The following ANKRD26 variants were observed in gnomAD, a reference collection of about 807,000 sequenced individuals.
The protein encoded by ANKRD26 is ankyrin repeat domain-containing protein 26.
Under a neutral mutation model 208.7 loss-of-function variants are expected in ANKRD26, and 141 were observed. The ratio of observed to expected loss-of-function variants is 0.68; its 90% CI spans 0.59 to 0.78. The LOEUF (loss-of-function observed/expected upper bound fraction) is 0.78, where lower values mean the gene tolerates loss of function less well. ANKRD26 is among the 30% of genes least tolerant of loss of function. ANKRD26 has a pLI of 0.00. For missense variants in ANKRD26, 1,889 were observed against 1,938.7 expected (o/e 0.97, Z 0.48); for synonymous variants, 636 against 660.4 (o/e 0.96, Z 0.57).
intron 1 of ANKRD26, among the ~76,000 whole-genome samples, chr10:27,096,346 C>A (rs547174177): frequency 4.8e-4 from 73 of 150,966 alleles, no homozygotes; most frequent in African/African-American, 1.5e-3. Flanking sequence ...CACCACACAG[C>A]ACTTATATAC....
chr10:26,993,973 T>C (rs935412726), intron 5 of ANKRD26, among the ~76,000 whole-genome samples: 11 of 152,238 alleles, frequency 7.2e-5, no homozygotes, highest in Non-Finnish European at 1.0e-4. Context: ...AAATTCATTT[T>C]AACTACTAAA....
intron 19 of ANKRD26, 49 bp from the exon 20 acceptor site, chr10:27,043,616 C>A (rs1286947203): frequency 3.9e-6 from 6 of 1,553,414 alleles, no homozygotes; most frequent in Non-Finnish European, 4.4e-6. Flanking sequence ...ATATTTATAG[C>A]ACATACAGAA....
At chr10:27,047,203 A>T (rs2054477813) in intron 17 of ANKRD26, among the ~76,000 whole-genome samples, 1 of 152,242 alleles carries the variant, frequency 6.6e-6, no homozygotes, top group Non-Finnish European at 1.5e-5. Context: ...TGATACACAT[A>T]TAACATGGAA....
chr10:27,026,575 A>C (rs953290826), intron 27 of ANKRD26, among the ~76,000 whole-genome samples: 2 of 152,210 alleles, frequency 1.3e-5, no homozygotes, highest in African/African-American at 4.8e-5. Context: ...AAAGAAACTC[A>C]TTAGTAGAAG....
At chr10:27,075,435 G>A (rs928938682) in intron 9 of ANKRD26, among the ~76,000 whole-genome samples, 11 of 152,146 alleles carry the variant, frequency 7.2e-5, no homozygotes, top group African/African-American at 1.9e-4. Flanking sequence ...AAGTGAGCAG[G>A]AGTAGCTATT....
intron 9 of ANKRD26, among the ~76,000 whole-genome samples, chr10:27,073,705 A>G (rs2055587634): frequency 6.6e-6 from 1 of 152,200 alleles, no homozygotes; most frequent in Admixed American, 6.5e-5. Flanking sequence ...CAGTAAATAA[A>G]ATACTGGGGA....
chr10:27,030,757 G>A (rs753049405), intron 25 of ANKRD26, among the ~76,000 whole-genome samples: 82 of 151,766 alleles, frequency 5.4e-4, no homozygotes, highest in African/African-American at 2.0e-3. Flanking sequence ...CTGTGGCCTT[G>A]TAAAAAAATA....
At chr10:27,070,702 G>A (rs2055451912) in intron 9 of ANKRD26, among the ~76,000 whole-genome samples, 1 of 150,146 alleles carries the variant, frequency 6.7e-6, no homozygotes, top group South Asian at 2.1e-4. Context: ...GTCTCGCCCT[G>A]TCGCCCAGAA....
At chr10:27,084,439 C>T (rs1254679322) in intron 5 of ANKRD26, among the ~76,000 whole-genome samples, 1 of 152,156 alleles carries the variant, frequency 6.6e-6, no homozygotes, top group Non-Finnish European at 1.5e-5. Flanking sequence ...ATTCATATTT[C>T]TTGCAACTTG....
intron 5 of ANKRD26, among the ~76,000 whole-genome samples, chr10:26,992,174 A>AG (rs1314072030): frequency 2.0e-5 from 3 of 152,194 alleles, no homozygotes; most frequent in African/African-American, 7.2e-5. Context: ...AATGGGAGGC[A>AG]GGATTGCCTG....
intron 28 of ANKRD26, among the ~76,000 whole-genome samples, chr10:27,023,979 T>TACAC (rs59987738): frequency 0.17 from 24,224 of 142,120 alleles, 3,670 homozygotes; most frequent in African/African-American, 0.4. Flanking sequence ...ATTTTATTAC[T>TACAC]ACACACACAC....
chr10:27,054,275 A>C (rs1329668019), intron 15 of ANKRD26, among the ~76,000 whole-genome samples: 1 of 152,172 alleles, frequency 6.6e-6, no homozygotes, highest in African/African-American at 2.4e-5. Flanking sequence ...CTAAGTTCTA[A>C]ACACTGAGGT....
At chr10:27,014,006 T>C (rs1237536067) in intron 31 of ANKRD26, among the ~76,000 whole-genome samples, 1 of 152,146 alleles carries the variant, frequency 6.6e-6, no homozygotes. Flanking sequence ...CTATACAGGG[T>C]AGTTTGTCTC....
At chr10:27,035,909 G>A (rs1175804511) in intron 23 of ANKRD26, among the ~76,000 whole-genome samples, 157 bp from the exon 24 acceptor site, 4 of 150,872 alleles carry the variant, frequency 2.7e-5, no homozygotes, top group Non-Finnish European at 5.9e-5. Flanking sequence ...AACTCAAACC[G>A]TATAGAGCAT....
chr10:27,094,780 T>A (rs138024606), intron 1 of ANKRD26, among the ~76,000 whole-genome samples: 57 of 152,312 alleles, frequency 3.7e-4, no homozygotes, highest in Non-Finnish European at 6.2e-4. Flanking sequence ...GTAGGATGAC[T>A]GCTTGAGTCC....
intron 27 of ANKRD26, among the ~76,000 whole-genome samples, chr10:27,028,585 CAAA>C (rs11294303): frequency 7.9e-5 from 6 of 76,048 alleles, no homozygotes; most frequent in Non-Finnish European, 1.2e-4. Context: ...GACTCCATCT[CAAA>C]AAAAAAAAAA....
intron 3 of ANKRD26, among the ~76,000 whole-genome samples, chr10:26,983,486 T>C (rs1481616177): frequency 1.3e-5 from 2 of 152,168 alleles, no homozygotes; most frequent in Non-Finnish European, 1.5e-5. Flanking sequence ...CTAGCCAGTG[T>C]CTTGTAGTAA....
downstream of ANKRD26, among the ~76,000 whole-genome samples, chr10:27,001,544 C>T (rs1183161098): frequency 1.3e-5 from 2 of 152,142 alleles, no homozygotes; most frequent in African/African-American, 4.8e-5. Context: ...ACCAGGTATG[C>T]TATTTGTATA....
intron 16 of ANKRD26, chr10:27,051,340 T>G (rs765003411): frequency 3.6e-4 from 449 of 1,261,730 alleles, no homozygotes; most frequent in Non-Finnish European, 4.5e-4. Flanking sequence ...ATACTATGCC[T>G]TTTTATGTGA....
Sources: allele counts gnomAD v4.1 joint callset (sites outside exome capture counted in the v4.1 genomes callset), GRCh38; gene constraint gnomAD v4.1.1; transcripts MANE v1.5; gene names NCBI Gene and HGNC (gene_info 2026-07-23, HGNC 2026-07-21).